The following SYDE2 variants were observed in gnomAD, a reference collection of about 807,000 sequenced individuals.
SYDE2 encodes rho GTPase-activating protein SYDE2.
SYDE2 carries 76 observed loss-of-function variants against 91.5 expected under a neutral mutation model. That is an observed-to-expected ratio of 0.83 (90% CI 0.69 to 1.01). The LOEUF is 1.01. Among genes scored for constraint, SYDE2 ranks in the 50% least tolerant of loss-of-function variants. The pLI, the probability that SYDE2 is intolerant of heterozygous loss-of-function variation, is 0.00. For missense variants in SYDE2, 1,364 were observed against 1,367.7 expected (o/e 1.00, Z 0.04); for synonymous variants, 513 against 506.4 (o/e 1.01, Z -0.18).
At chr1:85,178,820 G>GT (rs1057249437) in intron 3 of SYDE2, among the ~76,000 whole-genome samples, 76 of 147,496 alleles carry the variant, frequency 5.2e-4, no homozygotes, top group East Asian at 2.2e-3. Flanking sequence ...AACCTAGGGT[G>GT]TTTTTTTTTT....
Position 85,182,816 on chromosome 1 carries a change from G to C in SYDE2, c.1826C>G (p.Ser609Cys). ...TTTGCAGGAATACTTAGAACTCATA[G>C]AGTTTTTCTTCTGGTAGCTCTGCTG... ...SSQQSYQKKNSMSSKYSCKGG... is the reference protein window; with the variant it reads ...SSQQSYQKKNCMSSKYSCKGG... Residue 609 changes from serine (S) to cysteine (C), a missense_variant, in exon 3 of 7, where the codon TCT (serine) becomes TGT (cysteine). Transcript: ENST00000341460. 5 of 1,613,894 alleles carry C rather than the reference G, an allele frequency of 3.1e-6. No homozygotes were observed. The highest frequency in any genetic ancestry group is 4.2e-6 in the Non-Finnish European group (5 of 1,179,860).
intron 3 of SYDE2, 104 bp downstream of exon 3, chr1:85,181,994 A>G: frequency 2.5e-6 from 3 of 1,223,652 alleles, no homozygotes; most frequent in Non-Finnish European, 3.3e-6. Flanking sequence ...GAATGGTAAA[A>G]TATCTAAATT....
chr1:85,181,727 ACT>A (rs763494297), intron 3 of SYDE2: 7 of 161,350 alleles, frequency 4.3e-5, no homozygotes, highest in Non-Finnish European at 9.4e-5. Flanking sequence ...AGCAGAAATA[ACT>A]CAACGTAATT....
intron 6 of SYDE2, among the ~76,000 whole-genome samples, chr1:85,162,338 T>C (rs1657092209): frequency 6.6e-6 from 1 of 152,234 alleles, no homozygotes; most frequent in African/African-American, 2.4e-5. Context: ...GTTAATATGC[T>C]GTGGCCTACT....
chr1:85,175,844 A>T (rs1293048508), intron 4 of SYDE2, among the ~76,000 whole-genome samples: 1 of 152,198 alleles, frequency 6.6e-6, no homozygotes, highest in African/African-American at 2.4e-5. Context: ...AAATCATTTC[A>T]TTGCCTTTTT....
chr1:85,171,259 A>G (rs1657497835), intron 4 of SYDE2, among the ~76,000 whole-genome samples: 1 of 152,144 alleles, frequency 6.6e-6, no homozygotes, highest in Non-Finnish European at 1.5e-5. Context: ...ATTATCAGGG[A>G]GACATACAGA....
Position 85,182,443 on chromosome 1 carries a change from G to A in SYDE2, c.2199C>T (p.Asn733=). 6.2e-7 allele frequency: 1 copy of A among 1,613,554 alleles called. No homozygotes were observed. Among genetic ancestry groups the A allele is most frequent in the Non-Finnish European group, 8.5e-7 (1 of 1,179,690 alleles). ...TTFLDMDHTF[N]IEIENAQHLK... ...AATGTTGTGCATTTTCAATTTCTAT[G>A]TTGAAAGTGTGATCCATGTCTAAAA... The change falls in exon 3 of 7, where the codon AAC becomes AAT. Residue 733 remains asparagine, a synonymous_variant. Coordinates refer to ENST00000341460, the MANE Select transcript of SYDE2 (RefSeq NM_032184.2).
intron 5 of SYDE2, among the ~76,000 whole-genome samples, chr1:85,165,597 A>AATAT (rs137970465): frequency 2.0e-5 from 3 of 150,706 alleles, no homozygotes; most frequent in South Asian, 2.1e-4. Context: ...TAAATAAATA[A>AATAT]ATATATATAT....
In SYDE2 at chr1:85,182,235, G is replaced by A. The variant is rs753984700; in HGVS notation, c.2407C>T (p.His803Tyr). The A allele has an allele frequency of 2.5e-6, 4 of 1,609,940 alleles. No individual in the cohort carries two copies. Among genetic ancestry groups the A allele is most frequent in the Admixed American group, 1.7e-5 (1 of 59,214 alleles). ...TLMEQWENSL[H>Y]GLDINQEPII... ...GGTTCTTGGTTTATATCTAGTCCAT[G>A]AAGAGAATTCTCCCACTGTTCCATA... is the stretch of plus-strand genomic sequence containing the variant. Residue 803 changes from histidine to tyrosine, a missense_variant, in exon 3 of 7, where the codon CAT (histidine) becomes TAT (tyrosine). His to Tyr is a moderately conservative substitution (Grantham distance 83). Coordinates refer to ENST00000341460, the MANE Select transcript of SYDE2 (RefSeq NM_032184.2).
At chr1:85,168,172 A>G (rs935269881) in intron 5 of SYDE2, among the ~76,000 whole-genome samples, 1 of 150,886 alleles carries the variant, frequency 6.6e-6, no homozygotes, top group African/African-American at 2.4e-5. Context: ...TACTTTTTCC[A>G]CCCACCCCCT....
chr1:85,185,706 C>A (rs1185090149), intron 2 of SYDE2, among the ~76,000 whole-genome samples: 1 of 152,016 alleles, frequency 6.6e-6, no homozygotes, highest in South Asian at 2.1e-4. Context: ...TGGGCTGAGA[C>A]AATGGGGTTT....
At chr1:85,177,697 T>TA (rs1445836267) in intron 4 of SYDE2, among the ~76,000 whole-genome samples, 1 of 152,150 alleles carries the variant, frequency 6.6e-6, no homozygotes, top group Non-Finnish European at 1.5e-5. Flanking sequence ...ATCCATCACA[T>TA]AGAGTTGCCA....
chr1:85,189,880 C>G (rs1416514257), intron 2 of SYDE2, among the ~76,000 whole-genome samples, 177 bp downstream of exon 2: 1 of 152,058 alleles, frequency 6.6e-6, no homozygotes, highest in Non-Finnish European at 1.5e-5. Flanking sequence ...ATAATTAAAC[C>G]AGCGTGTACG....
chr1:85,171,332 G>A (rs1048064258), intron 4 of SYDE2, among the ~76,000 whole-genome samples: 6 of 152,126 alleles, frequency 3.9e-5, no homozygotes, highest in Admixed American at 1.3e-4. Context: ...GGTCATCAGG[G>A]AAGAGGATCT....
In SYDE2 at chr1:85,200,815, G is replaced by C. The variant is rs1435809731; in HGVS notation, c.182C>G (p.Pro61Arg). 2.1e-6 allele frequency: 3 copies of C among 1,434,976 alleles called. No homozygotes were observed. Among genetic ancestry groups the C allele is most frequent in the Non-Finnish European group, 2.7e-6 (3 of 1,102,298 alleles). The allele number at this position is 1,434,976 out of a possible 1,614,324, so 88.9% of individuals were successfully genotyped here. ...CGGCTCCCTCTGAGGCGACCGGGGC[G>C]GGGACACCTGCTGCCGAGGGCGTCC... ...GGGRPRQQVS[P>R]PRSPQREPRG... The change falls in exon 1 of 7, where the codon CCG (proline) becomes CGG (arginine). Residue 61 changes from proline (P) to arginine (R), a missense_variant. Pro to Arg is a moderately radical substitution (Grantham distance 103). Transcript: ENST00000341460.
chr1:85,162,706 A>G (rs1248462769), intron 6 of SYDE2, among the ~76,000 whole-genome samples: 1 of 152,198 alleles, frequency 6.6e-6, no homozygotes, highest in Non-Finnish European at 1.5e-5. Context: ...CTCAAACCCA[A>G]AACTAAGGTG....
chr1:85,166,571 G>A (rs1324537212), intron 5 of SYDE2, among the ~76,000 whole-genome samples: 1 of 152,088 alleles, frequency 6.6e-6, no homozygotes, highest in African/African-American at 2.4e-5. Flanking sequence ...TGATGAAGAA[G>A]TGATAACAGC....
Position 85,200,563 on chromosome 1 carries a change from G to T in SYDE2, c.434C>A (p.Pro145Gln). Reference protein sequence around the residue: ...RAAAPTGLQPPGCKDHGCSSG... With the variant: ...RAAAPTGLQPQGCKDHGCSSG... ...GGAGCAGCCGTGGTCCTTGCAGCCTGGAGGCTGGAGGCCGGTGGGTGCAGC... is the reference window on the plus strand; with the variant it reads ...GGAGCAGCCGTGGTCCTTGCAGCCTTGAGGCTGGAGGCCGGTGGGTGCAGC... The change falls in exon 1 of 7, where the codon CCA (proline) becomes CAA (glutamine). Residue 145 changes from proline to glutamine, a missense_variant. Transcript: ENST00000341460. 1 of 1,602,978 alleles carries T rather than the reference G, an allele frequency of 6.2e-7. No homozygotes were observed. Among genetic ancestry groups the T allele is most frequent in the Non-Finnish European group, 8.5e-7 (1 of 1,176,418 alleles).
chr1:85,154,648 C>G (rs950964415), downstream of SYDE2, among the ~76,000 whole-genome samples: 1 of 151,350 alleles, frequency 6.6e-6, no homozygotes, highest in Non-Finnish European at 1.5e-5. Context: ...GCTGCTCAGG[C>G]CCTACTCCTT....
Sources: gnomAD v4.1 joint callset for allele counts (sites outside exome capture counted in the v4.1 genomes callset) on GRCh38, gnomAD v4.1.1 for gene constraint, MANE v1.5 for transcripts, NCBI Gene and HGNC (gene_info 2026-07-23, HGNC 2026-07-21) for gene names.